Variants in DHRS4 observed in about 807,000 individuals in gnomAD.
DHRS4 encodes the protein dehydrogenase/reductase 4.
A neutral mutation model predicts 28.4 loss-of-function variants in DHRS4; 20 were observed. That is an observed-to-expected ratio of 0.71 (90% CI 0.50 to 1.02). DHRS4 has a LOEUF of 1.02. Among genes scored for constraint, DHRS4 ranks in the 50% least tolerant of loss-of-function variants. The pLI, the probability that DHRS4 is intolerant of heterozygous loss-of-function variation, is 0.00. For missense variants in DHRS4, 378 were observed against 367.2 expected (o/e 1.03, Z -0.24); for synonymous variants, 144 against 146.4 (o/e 0.98, Z 0.12).
chr14:23,956,755 C>A (rs569080873), intron 2 of DHRS4, among the ~76,000 whole-genome samples: 1 of 152,086 alleles, frequency 6.6e-6, no homozygotes, highest in African/African-American at 2.4e-5. Flanking sequence ...AGGCATCCAC[C>A]ACCACGTCCA....
At chr14:23,959,142 G>A (rs2033297324) in intron 2 of DHRS4, among the ~76,000 whole-genome samples, 1 of 152,170 alleles carries the variant, frequency 6.6e-6, no homozygotes, top group African/African-American at 2.4e-5. Context: ...AAGAGGAGGG[G>A]TCTGGAAATA....
At chr14:23,959,324 G>A (rs985887369) in intron 2 of DHRS4, among the ~76,000 whole-genome samples, 6 of 152,190 alleles carry the variant, frequency 3.9e-5, no homozygotes, top group South Asian at 2.1e-4. Context: ...TTAGGATACT[G>A]AGGCAGGTGG....
At chr14:23,960,262 A>C (rs1282304694) in intron 3 of DHRS4, among the ~76,000 whole-genome samples, 1 of 151,988 alleles carries the variant, frequency 6.6e-6, no homozygotes, top group African/African-American at 2.4e-5. Context: ...TCCTCTCCCC[A>C]GGCTTTTTCC....
At chr14:23,958,286 T>A (rs1015789665) in intron 2 of DHRS4, among the ~76,000 whole-genome samples, 2 of 152,154 alleles carry the variant, frequency 1.3e-5, no homozygotes, top group Non-Finnish European at 2.9e-5. Flanking sequence ...AATAATTAGT[T>A]AAAACGGGAA....
chr14:23,955,336 C>T, intron 2 of DHRS4, 124 bp downstream of exon 2: 2 of 1,403,908 alleles, frequency 1.4e-6, no homozygotes, highest in Non-Finnish European at 1.9e-6. Context: ...TGTCCATATA[C>T]TAACGTCAGA....
chr14:23,955,963 G>A (rs1181639598), intron 2 of DHRS4, among the ~76,000 whole-genome samples: 2 of 152,216 alleles, frequency 1.3e-5, no homozygotes, highest in Non-Finnish European at 2.9e-5. Flanking sequence ...AGAGTGGAAG[G>A]GAGAATCTAC....
At chr14:23,960,358 C>T (rs1332689334) in intron 3 of DHRS4, among the ~76,000 whole-genome samples, 2 of 152,062 alleles carry the variant, frequency 1.3e-5, no homozygotes, top group African/African-American at 4.8e-5. Flanking sequence ...TTTACACACC[C>T]ACCTGTCCCC....
chr14:23,957,399 C>A (rs879581299), intron 2 of DHRS4, among the ~76,000 whole-genome samples: 10 of 151,972 alleles, frequency 6.6e-5, no homozygotes, highest in Non-Finnish European at 1.2e-4. Context: ...CACCACGAAG[C>A]TTCTCACTGG....
At chr14:23,960,438 T>A (rs1483071965) in intron 3 of DHRS4, among the ~76,000 whole-genome samples, 1 of 152,046 alleles carries the variant, frequency 6.6e-6, no homozygotes, top group Non-Finnish European at 1.5e-5. Context: ...TTATTTAAAA[T>A]ACTAATTCTG....
chr14:23,960,040 G>GGGGGGGGGCA, intron 3 of DHRS4, 37 bp downstream of exon 3: 1 of 1,576,296 alleles, frequency 6.3e-7, no homozygotes, highest in Admixed American at 1.7e-5. Context: ...CGGGGGGGGC[G>GGGGGGGGGCA]CCTTGGAACA....
chr14:23,968,225 A>C (rs1594440511), intron 7 of DHRS4: 2 of 157,952 alleles, frequency 1.3e-5, no homozygotes, highest in African/African-American at 5.2e-5. Flanking sequence ...AGAGCATTCT[A>C]TGGCAGGGAG....
At chr14:23,960,511 A>G (rs10141263) in intron 3 of DHRS4, among the ~76,000 whole-genome samples, 44,335 of 151,460 alleles carry the variant, frequency 0.29, 6,985 homozygotes, top group East Asian at 0.45. Context: ...AAAAACCTAT[A>G]TTATTTTCTT....
chr14:23,966,852 C>T (rs1182535423), intron 6 of DHRS4, among the ~76,000 whole-genome samples: 1 of 152,282 alleles, frequency 6.6e-6, no homozygotes, highest in Non-Finnish European at 1.5e-5. Context: ...CTTCACTTTC[C>T]TCTTCTTAAA....
At chr14:23,956,073 G>C (rs913201842) in intron 2 of DHRS4, among the ~76,000 whole-genome samples, 2 of 152,246 alleles carry the variant, frequency 1.3e-5, no homozygotes, top group Non-Finnish European at 2.9e-5. Context: ...ATAGTAGACA[G>C]TAGTATGGTA....
chr14:23,954,173 C>T (rs111695401), intron 1 of DHRS4: 11 of 509,262 alleles, frequency 2.2e-5, no homozygotes, highest in African/African-American at 1.7e-4. Context: ...ATCTAGTCTC[C>T]CCAGTGTTCT....
At chr14:23,956,362 C>T (rs1474451883) in intron 2 of DHRS4, among the ~76,000 whole-genome samples, 1 of 152,214 alleles carries the variant, frequency 6.6e-6, no homozygotes, top group East Asian at 1.9e-4. Context: ...GTTCACTTAA[C>T]ATGGCCTACA....
intron 2 of DHRS4, 81 bp downstream of exon 2, chr14:23,955,293 A>G (rs2033088412): frequency 2.7e-6 from 4 of 1,493,222 alleles, no homozygotes; most frequent in Admixed American, 2.4e-5. Flanking sequence ...TTTCCTAGAC[A>G]GCAGCACATT....
intron 1 of DHRS4, among the ~76,000 whole-genome samples, chr14:23,954,518 G>A (rs1239632646): frequency 3.3e-5 from 5 of 152,184 alleles, no homozygotes; most frequent in Non-Finnish European, 7.3e-5. Context: ...ACAAATGTAG[G>A]TAAAATGCTA....
intron 2 of DHRS4, among the ~76,000 whole-genome samples, chr14:23,956,643 T>G (rs147014317): frequency 0.023 from 3,487 of 150,562 alleles, 141 homozygotes; most frequent in African/African-American, 0.078. Flanking sequence ...TCATTCTTGT[T>G]GCCCAGGCTG....
Sources: allele counts gnomAD v4.1 joint callset (sites outside exome capture counted in the v4.1 genomes callset), GRCh38; gene constraint gnomAD v4.1.1; transcripts MANE v1.5; gene names NCBI Gene and HGNC (gene_info 2026-07-23, HGNC 2026-07-21).